PTPRK: variants seen among roughly 807,000 people sequenced by gnomAD.
PTPRK encodes receptor-type tyrosine-protein phosphatase kappa.
Under a neutral mutation model 178.0 loss-of-function variants are expected in PTPRK, and 75 were observed. That is an observed-to-expected ratio of 0.42 (90% CI 0.35 to 0.51). PTPRK has a LOEUF of 0.51. PTPRK is among the 20% of genes least tolerant of loss of function. The probability of loss-of-function intolerance (pLI) is 0.02; values close to 1 mark genes in which losing one functional copy is unlikely to be tolerated. For missense variants in PTPRK, 1,441 were observed against 1,797.8 expected (o/e 0.80, Z 3.59); for synonymous variants, 637 against 620.6 (o/e 1.03, Z -0.39).
intron 13 of PTPRK, among the ~76,000 whole-genome samples, chr6:128,055,550 C>T (rs77523259): frequency 0.027 from 4,127 of 151,712 alleles, 175 homozygotes; most frequent in African/African-American, 0.093. Context: ...TCTTTGTATT[C>T]GCCATGATTA....
chr6:128,393,610 C>G (rs368013684), intron 2 of PTPRK, among the ~76,000 whole-genome samples: 1 of 151,866 alleles, frequency 6.6e-6, no homozygotes, highest in East Asian at 1.9e-4. Context: ...GATAAGCAGA[C>G]AAAGAAATAT....
intron 3 of PTPRK, chr6:128,321,374 T>A (rs980178591): frequency 5.7e-6 from 1 of 174,246 alleles, no homozygotes; most frequent in African/African-American, 2.4e-5. Context: ...TAAGAGCATA[T>A]AAACTCAGTC....
At chr6:128,210,306 C>T (rs1807875263) in intron 6 of PTPRK, among the ~76,000 whole-genome samples, 1 of 151,362 alleles carries the variant, frequency 6.6e-6, no homozygotes, top group Non-Finnish European at 1.5e-5. Flanking sequence ...TATGCATATA[C>T]TTACTGATAG....
chr6:128,506,060 A>AT (rs1182752363), intron 1 of PTPRK, among the ~76,000 whole-genome samples: 1 of 152,244 alleles, frequency 6.6e-6, no homozygotes, highest in East Asian at 1.9e-4. Context: ...AAGCCAGTGC[A>AT]TTTGTTTAGC....
chr6:128,220,193 T>C (rs928289352), intron 5 of PTPRK, among the ~76,000 whole-genome samples: 1 of 152,126 alleles, frequency 6.6e-6, no homozygotes, highest in Non-Finnish European at 1.5e-5. Flanking sequence ...CAAATAGTGA[T>C]AAGTCATTTG....
intron 13 of PTPRK, among the ~76,000 whole-genome samples, chr6:128,021,742 C>G (rs901199091): frequency 2.0e-5 from 3 of 152,198 alleles, no homozygotes; most frequent in Admixed American, 2.0e-4. Context: ...CTGTGTTTCT[C>G]ATTTGAACTT....
chr6:128,476,256 T>A (rs946863420), intron 1 of PTPRK, among the ~76,000 whole-genome samples: 1 of 151,578 alleles, frequency 6.6e-6, no homozygotes, highest in African/African-American at 2.4e-5. Context: ...GGGACACACA[T>A]ACACACACAC....
In PTPRK at chr6:128,009,375, T is replaced by A. The variant is rs568934848; in HGVS notation, c.2195-107A>T. 12 of 950,100 alleles carry A rather than the reference T, an allele frequency of 1.3e-5. No individual in the cohort carries two copies. In the South Asian group the frequency reaches 2.0e-4, roughly 16 times the overall value. The allele number at this position is 950,100 out of a possible 1,614,324, so 58.9% of individuals were successfully genotyped here. ...GAAACACAACTTGTTTATTGTATAT[T>A]AATAAAAATAATCCCACAATGTAAA... On this transcript the variant is annotated intron_variant, in intron 13 of 29. Transcript: ENST00000368226.
At chr6:128,410,702 T>C (rs1842209283) in intron 1 of PTPRK, among the ~76,000 whole-genome samples, 1 of 152,130 alleles carries the variant, frequency 6.6e-6, no homozygotes, top group Admixed American at 6.5e-5. Context: ...ATTAACTGCA[T>C]CTCCAAGGGT....
intron 6 of PTPRK, among the ~76,000 whole-genome samples, chr6:128,186,528 A>G (rs1433281308): frequency 1.3e-5 from 2 of 152,162 alleles, no homozygotes; most frequent in East Asian, 3.8e-4. Context: ...CATTCCTGAT[A>G]GTTTGCAAAT....
chr6:128,000,474 A>G, intron 15 of PTPRK: 1 of 443,844 alleles, frequency 2.3e-6, no homozygotes, highest in East Asian at 1.0e-4. Context: ...CTGAATCAAA[A>G]AATCCCTGAT....
At position 128,184,631 on chromosome 6, in the gene PTPRK, A is replaced by G; in HGVS notation, c.963T>C (p.Gly321=). The change falls in exon 7 of 30, where the codon GGT becomes GGC. Residue 321 remains glycine (G), a synonymous_variant. Transcript: ENST00000368226. ...QLNANSIIGD[G]PIILKEVEYR... ...ACTCTACTTCTTTCAGGATGATAGG[A>G]CCATCGCCAATGATCGAGTTGGCAT... The G allele has an allele frequency of 6.2e-7, 1 of 1,614,038 alleles. No individual in the cohort carries two copies. The highest frequency in any genetic ancestry group is 8.5e-7 in the Non-Finnish European group (1 of 1,179,962).
Position 128,011,033 on chromosome 6 carries a change from A to G in PTPRK, c.2195-1765T>C, listed in dbSNP as rs183525462. Among the ~76,000 whole-genome samples the G allele has an allele frequency of 7.7e-4, 117 of 151,372 alleles. 2 individuals carry two copies. The highest frequency in any genetic ancestry group is 1.3e-4 in the Non-Finnish European group (9 of 67,462). On this transcript the variant is annotated intron_variant, in intron 13 of 29. Coordinates refer to ENST00000368226, the MANE Select transcript of PTPRK (RefSeq NM_002844.4). ...TCCTTTCCAGGGCGACGTTAGAAAT[A>G]TATACATATATCTATATCTCTATAT...
intron 7 of PTPRK, among the ~76,000 whole-genome samples, chr6:128,128,049 T>C (rs1221687337): frequency 6.6e-6 from 1 of 152,226 alleles, no homozygotes; most frequent in Non-Finnish European, 1.5e-5. Flanking sequence ...AAGGCCAATA[T>C]ATGATGGCTG....
chr6:127,983,596 A>C (rs756953134), intron 22 of PTPRK, among the ~76,000 whole-genome samples: 18 of 152,200 alleles, frequency 1.2e-4, no homozygotes, highest in Non-Finnish European at 2.4e-4. Context: ...AAGAGTTCTA[A>C]ATTATTTTCA....
At chr6:128,469,634 C>T (rs1850347102) in intron 1 of PTPRK, among the ~76,000 whole-genome samples, 1 of 151,982 alleles carries the variant, frequency 6.6e-6, no homozygotes, top group South Asian at 2.1e-4. Flanking sequence ...AATAATGCGC[C>T]CCCAACAAAC....
intron 6 of PTPRK, among the ~76,000 whole-genome samples, chr6:128,193,164 A>G (rs562973557): frequency 1.3e-5 from 2 of 151,698 alleles, no homozygotes; most frequent in Non-Finnish European, 2.9e-5. Context: ...ACACTGATAC[A>G]TAGCACCTAC....
chr6:128,258,906 T>C (rs1817755269), intron 3 of PTPRK, among the ~76,000 whole-genome samples: 2 of 152,174 alleles, frequency 1.3e-5, no homozygotes, highest in Admixed American at 1.3e-4. Flanking sequence ...CAATTTAACG[T>C]GGAGCTAGCC....
chr6:128,440,687 C>T (rs1846170993), intron 1 of PTPRK, among the ~76,000 whole-genome samples: 3 of 152,056 alleles, frequency 2.0e-5, no homozygotes, highest in Admixed American at 2.0e-4. Flanking sequence ...TGCTGTCAGA[C>T]ACCTTTATTT....
Sources: gnomAD v4.1 joint callset for allele counts (sites outside exome capture counted in the v4.1 genomes callset) on GRCh38, gnomAD v4.1.1 for gene constraint, MANE v1.5 for transcripts, NCBI Gene and HGNC (gene_info 2026-07-23, HGNC 2026-07-21) for gene names.